The following KDM5B variants were observed in gnomAD, a reference collection of about 807,000 sequenced individuals.
KDM5B encodes lysine-specific demethylase 5B.
Under a neutral mutation model 193.4 loss-of-function variants are expected in KDM5B, and 144 were observed. The ratio of observed to expected loss-of-function variants is 0.74; its 90% CI spans 0.65 to 0.86. The LOEUF (loss-of-function observed/expected upper bound fraction) is 0.86, where lower values mean the gene tolerates loss of function less well. Ranked by LOEUF, KDM5B falls within the 40% of genes least tolerant of loss-of-function variation. KDM5B has a pLI of 0.00. For synonymous variants in KDM5B, 668 were observed against 682.6 expected, an observed-to-expected ratio of 0.98 and a Z score of 0.33; for missense variants, 1,833 against 1,886.9, an observed-to-expected ratio of 0.97 and a Z score of 0.53.
chr1:202,764,026 T>C (rs1404961834), intron 6 of KDM5B, 23 bp downstream of exon 6: 4 of 1,214,240 alleles, frequency 3.3e-6, no homozygotes, highest in South Asian at 1.3e-5. Context: ...TTTTCTTTCC[T>C]ATTCATTGAC....
intron 1 of KDM5B, among the ~76,000 whole-genome samples, chr1:202,806,193 C>G (rs1334821319): frequency 6.6e-6 from 1 of 152,124 alleles, no homozygotes; most frequent in Admixed American, 6.5e-5. Flanking sequence ...AACAAGAAAA[C>G]AAGATAAAGG....
chr1:202,741,278 C>T, intron 19 of KDM5B, 89 bp downstream of exon 19: 1 of 867,126 alleles, frequency 1.2e-6, no homozygotes, highest in Non-Finnish European at 1.7e-6. Flanking sequence ...AGCTACTGAG[C>T]ACTTGCCATA....
At position 202,740,792 on chromosome 1, in the gene KDM5B, C is replaced by A; in HGVS notation, c.2966G>T (p.Ser989Ile). 1 of 1,611,968 alleles carries A rather than the reference C, an allele frequency of 6.2e-7. No homozygotes were observed. The highest frequency in any genetic ancestry group is 1.1e-5 in the South Asian group (1 of 90,942). The change falls in exon 20 of 27, where the codon AGC (serine) becomes ATC (isoleucine). Residue 989 changes from serine to isoleucine, a missense_variant. This residue lies in a region of KDM5B where 1,379 missense variants were observed against 1,349.6 expected (regional missense o/e 1.02). Transcript: ENST00000367265. ...LKARPRHSLNSLATAVKEIEE... is the reference protein window; with the variant it reads ...LKARPRHSLNILATAVKEIEE... ...GATTTCCTTTACTGCCGTAGCAAGG[C>A]TATTCAATGAATGTCGTGGCCTACA...
At position 202,733,472 on chromosome 1, in the gene KDM5B, C is replaced by A; in HGVS notation, c.3838G>T (p.Asp1280Tyr). The A allele has an allele frequency of 6.2e-7, 1 of 1,614,192 alleles. No individual in the cohort carries two copies. Among genetic ancestry groups the A allele is most frequent in the Non-Finnish European group, 8.5e-7 (1 of 1,180,020 alleles). ...LSSGNLKFVQ[D>Y]RVGSGLLYSR... ...TATAACAGTCCTGAGCCCACTCGAT[C>A]TTGCACAAATTTAAGATTCCCTGAC... is the stretch of plus-strand genomic sequence containing the variant. Residue 1280 changes from aspartate to tyrosine, a missense_variant, in exon 23 of 27, where the codon GAT (aspartate) becomes TAT (tyrosine). Physicochemically the swap from Asp to Tyr is radical, Grantham distance 160. This residue lies in a region of KDM5B where 1,379 missense variants were observed against 1,349.6 expected (regional missense o/e 1.02). Coordinates refer to ENST00000367265, the MANE Select transcript of KDM5B (RefSeq NM_006618.5).
At chr1:202,805,318 T>C (rs897562657) in intron 1 of KDM5B, among the ~76,000 whole-genome samples, 1 of 152,230 alleles carries the variant, frequency 6.6e-6, no homozygotes, top group Admixed American at 6.5e-5. Context: ...CTCACATTTA[T>C]CTTACTATAT....
chr1:202,733,982 T>C (rs1654999454), intron 22 of KDM5B, 96 bp from the exon 23 acceptor site: 6 of 1,413,390 alleles, frequency 4.2e-6, no homozygotes, highest in Admixed American at 2.2e-5. Flanking sequence ...GGATCCTGAG[T>C]AGATCATCTG....
chr1:202,742,793 A>G lies in KDM5B; in HGVS notation c.2336T>C (p.Phe779Ser). The G allele has an allele frequency of 6.2e-7, 1 of 1,613,922 alleles. No individual in the cohort carries two copies. Among genetic ancestry groups the G allele is most frequent in the Non-Finnish European group, 8.5e-7 (1 of 1,179,806 alleles). ...TTCAGATTCTTCAATTAAAGCCTTG[A>G]AGCTGACAAGGCCTAGGAATGAAGA... is the stretch of plus-strand genomic sequence containing the variant. Reference protein sequence around the residue: ...KINKKKSLVSFKALIEESEMK... With the variant: ...KINKKKSLVSSKALIEESEMK... Residue 779 changes from phenylalanine to serine, a missense_variant, in exon 17 of 27, where the codon TTC becomes TCC. Coordinates refer to ENST00000367265, the MANE Select transcript of KDM5B (RefSeq NM_006618.5).
chr1:202,755,545 A>G (rs1421941519), intron 10 of KDM5B, 93 bp from the exon 11 acceptor site: 1 of 1,036,744 alleles, frequency 9.6e-7, no homozygotes, highest in Non-Finnish European at 1.4e-6. Context: ...TCAAAATAAA[A>G]AAAGAAATGT....
intron 1 of KDM5B, among the ~76,000 whole-genome samples, chr1:202,798,816 G>C (rs1293891034): frequency 6.6e-6 from 1 of 152,064 alleles, no homozygotes; most frequent in Non-Finnish European, 1.5e-5. Context: ...AAGGCCAGGA[G>C]TTCGAACCAG....
At chr1:202,741,805 A>G in intron 18 of KDM5B, 83 bp from the exon 19 acceptor site, 1 of 733,884 alleles carries the variant, frequency 1.4e-6, no homozygotes, top group Non-Finnish European at 2.2e-6. Context: ...TTAAATTCAT[A>G]TTCAATGAGA....
At chr1:202,734,650 C>T (rs1655029599) in intron 22 of KDM5B, among the ~76,000 whole-genome samples, 1 of 152,194 alleles carries the variant, frequency 6.6e-6, no homozygotes, top group Non-Finnish European at 1.5e-5. Context: ...AAACAAACCA[C>T]AGATGGAATG....
chr1:202,758,280 CTGTG>C, intron 9 of KDM5B, 107 bp downstream of exon 9: 1 of 747,380 alleles, frequency 1.3e-6, no homozygotes, highest in Non-Finnish European at 2.0e-6. Flanking sequence ...ATTCTGCTTT[CTGTG>C]TGACAATGCC....
At chr1:202,736,425 A>G (rs1280438722) in intron 20 of KDM5B, 33 bp from the exon 21 acceptor site, 1 of 1,485,014 alleles carries the variant, frequency 6.7e-7, no homozygotes, top group Admixed American at 2.3e-5. Context: ...AGCAGTTTAG[A>G]GAAAAGAACA....
In KDM5B at chr1:202,741,672, G is replaced by C. The variant is rs1230682935; in HGVS notation, c.2640C>G (p.Leu880=). ...CCGCAGCACTAGGCGTTTCCTCAGAGAGTAGTTTCTGACTATGCTGTTGAA... is the reference window on the plus strand; with the variant it reads ...CCGCAGCACTAGGCGTTTCCTCAGACAGTAGTTTCTGACTATGCTGTTGAA... ...EDFQQHSQKL[L]SEETPSAAEL... Residue 880 remains leucine (L), a synonymous_variant, in exon 19 of 27, where the codon CTC becomes CTG. Transcript: ENST00000367265. 7 of 1,613,144 alleles carry C rather than the reference G, an allele frequency of 4.3e-6. No individual in the cohort carries two copies. Among genetic ancestry groups the C allele is most frequent in the Non-Finnish European group, 5.9e-6 (7 of 1,179,464 alleles).
intron 16 of KDM5B, among the ~76,000 whole-genome samples, chr1:202,745,025 T>C (rs1409532939): frequency 1.3e-5 from 2 of 152,198 alleles, no homozygotes; most frequent in East Asian, 3.8e-4. Flanking sequence ...TGGAGGCAAT[T>C]AGTTAGCAAA....
chr1:202,730,805 C>T (rs1190619892), intron 25 of KDM5B, 104 bp downstream of exon 25: 21 of 1,133,200 alleles, frequency 1.9e-5, no homozygotes, highest in South Asian at 8.6e-5. Flanking sequence ...TCAGTCTAAT[C>T]GCCCAGTCCT....
intron 8 of KDM5B, among the ~76,000 whole-genome samples, chr1:202,760,192 T>C (rs958828671): frequency 1.3e-4 from 12 of 92,722 alleles, no homozygotes; most frequent in Admixed American, 2.9e-4. Flanking sequence ...CATGGGCCTG[T>C]AGTCCCAGCT....
chr1:202,750,461 G>C (rs1368713193), intron 13 of KDM5B, among the ~76,000 whole-genome samples, 198 bp downstream of exon 13: 1 of 152,076 alleles, frequency 6.6e-6, no homozygotes, highest in African/African-American at 2.4e-5. Flanking sequence ...TTTTAGTAGA[G>C]ATGGGGCTTC....
chr1:202,778,519 G>A (rs1657057446), intron 1 of KDM5B, among the ~76,000 whole-genome samples: 1 of 151,918 alleles, frequency 6.6e-6, no homozygotes, highest in African/African-American at 2.4e-5. Flanking sequence ...TGGTTACAAA[G>A]GCAAAAATTT....
Sources: gnomAD v4.1 joint callset for allele counts (sites outside exome capture counted in the v4.1 genomes callset) on GRCh38, gnomAD v4.1.1 for gene constraint, gnomAD v4.1.1 regional missense constraint, MANE v1.5 for transcripts, NCBI Gene and HGNC (gene_info 2026-07-23, HGNC 2026-07-21) for gene names.